LSAMP: variants seen among roughly 807,000 people sequenced by gnomAD.
LSAMP encodes limbic system-associated membrane protein.
A neutral mutation model predicts 38.6 loss-of-function variants in LSAMP; 7 were observed. The ratio of observed to expected loss-of-function variants is 0.18; its 90% confidence interval spans 0.10 to 0.34. The LOEUF (loss-of-function observed/expected upper bound fraction) is 0.34. LSAMP is among the 10% of genes least tolerant of loss of function. LSAMP has a pLI of 1.00. For missense variants in LSAMP, 313 were observed against 420.0 expected, an observed-to-expected ratio of 0.75 and a Z score of 2.23; for synonymous variants, 154 against 166.8, an observed-to-expected ratio of 0.92 and a Z score of 0.59.
At chr3:115,998,543 G>T (rs181040296) in intron 3 of LSAMP, among the ~76,000 whole-genome samples, 4 of 152,126 alleles carry the variant, frequency 2.6e-5, no homozygotes, top group Admixed American at 2.0e-4. Context: ...CTTGACCCTT[G>T]CATTGTCCTT....
intron 3 of LSAMP, among the ~76,000 whole-genome samples, chr3:115,879,696 A>G (rs1431470496): frequency 1.3e-5 from 2 of 152,118 alleles, no homozygotes; most frequent in Admixed American, 1.3e-4. Flanking sequence ...ACAATTTAAA[A>G]TTGGCTAATT....
At chr3:116,386,607 G>A (rs2048629562) in intron 1 of LSAMP, among the ~76,000 whole-genome samples, 1 of 152,124 alleles carries the variant, frequency 6.6e-6, no homozygotes, top group South Asian at 2.1e-4. Flanking sequence ...CAAGTAGGTA[G>A]GAATGCAGAC....
chr3:116,418,742 T>C (rs561340763), intron 1 of LSAMP, among the ~76,000 whole-genome samples: 1 of 152,316 alleles, frequency 6.6e-6, no homozygotes, highest in African/African-American at 2.4e-5. Context: ...AATTCTTGTC[T>C]ACATTTTCAT....
intron 1 of LSAMP, among the ~76,000 whole-genome samples, chr3:116,380,833 TG>T (rs2107801209): frequency 6.6e-6 from 1 of 152,194 alleles, no homozygotes; most frequent in East Asian, 1.9e-4. Flanking sequence ...TTTTTTTGTT[TG>T]TTTGCCTTGG....
At chr3:116,320,780 A>C (rs1329874836) in intron 1 of LSAMP, among the ~76,000 whole-genome samples, 1 of 152,150 alleles carries the variant, frequency 6.6e-6, no homozygotes, top group Non-Finnish European at 1.5e-5. Context: ...CAGCACTAGC[A>C]CAGTGACCGG....
chr3:116,389,371 G>A (rs2048665003), intron 1 of LSAMP, among the ~76,000 whole-genome samples: 1 of 152,108 alleles, frequency 6.6e-6, no homozygotes, highest in African/African-American at 2.4e-5. Context: ...CAGACTGATA[G>A]GCAGAGAGGA....
At chr3:116,360,351 G>A (rs1276496661) in intron 1 of LSAMP, among the ~76,000 whole-genome samples, 1 of 38,404 alleles carries the variant, frequency 2.6e-5, no homozygotes, top group Non-Finnish European at 5.1e-5. Context: ...CTGGCTCGGA[G>A]GGTCCTACGC....
At chr3:116,393,802 T>C (rs539801671) in intron 1 of LSAMP, among the ~76,000 whole-genome samples, 1 of 152,362 alleles carries the variant, frequency 6.6e-6, no homozygotes, top group South Asian at 2.1e-4. Context: ...AAACTAAATA[T>C]AATGTTGTGA....
intron 3 of LSAMP, among the ~76,000 whole-genome samples, chr3:115,870,773 A>T (rs1215377762): frequency 1.3e-5 from 2 of 152,172 alleles, no homozygotes; most frequent in Admixed American, 6.6e-5. Flanking sequence ...GTATCCTGAG[A>T]CTTTCTAGGG....
intron 1 of LSAMP, among the ~76,000 whole-genome samples, chr3:116,167,796 A>G (rs1200821752): frequency 2.0e-5 from 3 of 152,240 alleles, no homozygotes; most frequent in African/African-American, 7.2e-5. Context: ...ATGTAGGGTT[A>G]TTATGTACTG....
intron 1 of LSAMP, among the ~76,000 whole-genome samples, chr3:116,165,561 C>T (rs531077814): frequency 6.6e-6 from 1 of 152,296 alleles, no homozygotes; most frequent in East Asian, 1.9e-4. Flanking sequence ...CACATACACA[C>T]ACACACACAC....
rs545984876 is a variant in LSAMP, at chr3:116,083,605, A to G, written c.388+2719T>C. Among the ~76,000 whole-genome samples the G allele has an allele frequency of 2.6e-5, 4 of 152,318 alleles. No homozygotes were observed. In the East Asian group the frequency reaches 7.7e-4, roughly 29 times the overall value. On this transcript the variant is annotated intron_variant, in intron 2 of 6. Coordinates refer to ENST00000490035, the MANE Select transcript of LSAMP (RefSeq NM_002338.5). ...TCACCATTGTGTAAGGAAAAGGAAT[A>G]CAGTATTTACATAATGATTAGTTGA...
chr3:116,379,954 TG>T (rs556008713), intron 1 of LSAMP, among the ~76,000 whole-genome samples: 2 of 152,194 alleles, frequency 1.3e-5, no homozygotes, highest in Non-Finnish European at 2.9e-5. Context: ...TCTATAATCA[TG>T]GGCTTTCCTA....
chr3:116,217,112 C>T (rs1253798148), intron 1 of LSAMP, among the ~76,000 whole-genome samples: 1 of 152,152 alleles, frequency 6.6e-6, no homozygotes, highest in African/African-American at 2.4e-5. Context: ...TTAATTAAGA[C>T]TCGGGAGATT....
At chr3:116,385,201 G>A (rs953353356) in intron 1 of LSAMP, among the ~76,000 whole-genome samples, 34 of 152,138 alleles carry the variant, frequency 2.2e-4, no homozygotes, top group African/African-American at 8.2e-4. Context: ...TTGAAATTAG[G>A]GAGAATTGAA....
At chr3:116,405,787 C>T (rs1411119580) in intron 1 of LSAMP, among the ~76,000 whole-genome samples, 1 of 152,138 alleles carries the variant, frequency 6.6e-6, no homozygotes. Flanking sequence ...GAAACCTGCC[C>T]ATGATCATGC....
At chr3:116,334,396 C>T (rs1471832353) in intron 1 of LSAMP, among the ~76,000 whole-genome samples, 1 of 152,040 alleles carries the variant, frequency 6.6e-6, no homozygotes, top group Admixed American at 6.6e-5. Flanking sequence ...TTCTACGAAG[C>T]CAGCATTACA....
intron 1 of LSAMP, among the ~76,000 whole-genome samples, chr3:116,290,046 A>G (rs2047244010): frequency 6.6e-6 from 1 of 152,144 alleles, no homozygotes; most frequent in Non-Finnish European, 1.5e-5. Flanking sequence ...AGAAATGGCT[A>G]CTCTGATTGA....
At chr3:116,426,864 T>C (rs972417383) in intron 1 of LSAMP, among the ~76,000 whole-genome samples, 1 of 150,656 alleles carries the variant, frequency 6.6e-6, no homozygotes, top group Non-Finnish European at 1.5e-5. Flanking sequence ...TGGGGGAGTG[T>C]AATTATTATT....
Sources: allele counts gnomAD v4.1 joint callset (sites outside exome capture counted in the v4.1 genomes callset), GRCh38; gene constraint gnomAD v4.1.1; transcripts MANE v1.5; gene names NCBI Gene and HGNC (gene_info 2026-07-23, HGNC 2026-07-21).